CYLD: variants seen among roughly 807,000 people sequenced by gnomAD.
CYLD encodes the protein CYLD lysine 63 deubiquitinase, also known as ubiquitin carboxyl-terminal hydrolase CYLD.
CYLD carries 26 observed loss-of-function variants against 104.5 expected under a neutral mutation model. The observed-to-expected ratio is 0.25, with a 90% CI of 0.18 to 0.35. The LOEUF (loss-of-function observed/expected upper bound fraction) is 0.35. CYLD is among the 10% of genes least tolerant of loss of function. The pLI is 1.00. For synonymous variants in CYLD, 385 were observed against 399.9 expected (o/e 0.96, Z 0.45); for missense variants, 703 against 1,136.1 (o/e 0.62, Z 5.48).
chr16:50,766,375 C>G (rs1038381664), intron 5 of CYLD, among the ~76,000 whole-genome samples: 14 of 152,174 alleles, frequency 9.2e-5, no homozygotes, highest in African/African-American at 3.4e-4. Flanking sequence ...GGATTCCTTT[C>G]AAAACATTAC....
chr16:50,754,314 T>G lies in CYLD; in HGVS notation c.808-5T>G. On this transcript the variant is annotated splice_region_variant and splice_polypyrimidine_tract_variant and intron_variant, in intron 4 of 18. Coordinates refer to ENST00000427738, the MANE Select transcript of CYLD (RefSeq NM_001378743.1). ...GGATTTTAATGTTTATTATTTAATT[T>G]CTAGGATAACCCTATTGGCAACTGG... is the stretch of plus-strand genomic sequence containing the variant. The G allele has an allele frequency of 6.3e-7, 1 of 1,587,716 alleles. No individual in the cohort carries two copies. The highest frequency in any genetic ancestry group is 1.3e-5 in the African/African-American group (1 of 74,486).
intron 5 of CYLD, among the ~76,000 whole-genome samples, chr16:50,767,551 C>T (rs909231662): frequency 6.6e-6 from 1 of 151,192 alleles, no homozygotes; most frequent in East Asian, 1.9e-4. Context: ...TGAAAGTAAC[C>T]GTTCTCTTTA....
In CYLD at chr16:50,794,620, T is replaced by G. The variant is rs546856706; in HGVS notation, c.2686+192T>G. ...CTGAACTAAGGAATAATATGCTGTGTTTTTTTTTTTCCTTTTTTGAGATGG... is the reference window on the plus strand; with the variant it reads ...CTGAACTAAGGAATAATATGCTGTGGTTTTTTTTTTCCTTTTTTGAGATGG... On this transcript the variant is annotated intron_variant, in intron 18 of 18. Transcript: ENST00000427738. The surrounding 1 kb of genome is among the most constrained non-coding windows in gnomAD (Gnocchi z 4.1). 1,078 of 430,864 alleles carry G rather than the reference T, an allele frequency of 2.5e-3. No homozygotes were observed. Among genetic ancestry groups the G allele is most frequent in the Non-Finnish European group, 3.7e-3 (965 of 258,332 alleles). 26.7% of individuals were successfully genotyped at this position (430,864 alleles called of 1,614,324 possible). A position where few individuals can be genotyped will look rare whatever the true frequency, so the allele number is the denominator to read the frequency against.
At chr16:50,788,100 T>C (rs1971031154) in intron 14 of CYLD, among the ~76,000 whole-genome samples, 1 of 152,226 alleles carries the variant, frequency 6.6e-6, no homozygotes, top group Admixed American at 6.5e-5. Flanking sequence ...ATAAGTATTA[T>C]TGCAAATCAT....
chr16:50,745,362 GTTTTTT>G (rs535675323), intron 2 of CYLD, among the ~76,000 whole-genome samples: 1 of 78,754 alleles, frequency 1.3e-5, no homozygotes. Flanking sequence ...TTTCCTCTTT[GTTTTTT>G]TTTTTTTTTT....
rs1276787099 is a variant in CYLD, at chr16:50,798,880, A to G, written c.*2372A>G. The G allele has an allele frequency of 4.3e-6, 1 of 233,240 alleles. No individual in the cohort carries two copies. Among genetic ancestry groups the G allele is most frequent in the Non-Finnish European group, 8.5e-6 (1 of 118,060 alleles). The allele number at this position is 233,240 out of a possible 1,614,324, so 14.4% of individuals were successfully genotyped here. On this transcript the variant is annotated 3_prime_UTR_variant, in exon 19 of 19. Transcript: ENST00000427738. Reference sequence around the variant, plus strand: ...TTGGGGAGGGAGTGCTCATTAAGGGATGCCAGGGCCAGCTCTGGTGGTTCC... The same window carrying G: ...TTGGGGAGGGAGTGCTCATTAAGGGGTGCCAGGGCCAGCTCTGGTGGTTCC...
chr16:50,794,653 C>T lies in CYLD; in HGVS notation c.2686+225C>T. 1 of 531,190 alleles carries T rather than the reference C, an allele frequency of 1.9e-6. No individual in the cohort carries two copies. Among genetic ancestry groups the T allele is most frequent in the Admixed American group, 3.0e-5 (1 of 33,360 alleles). The allele number at this position is 531,190 out of a possible 1,614,324, so 32.9% of individuals were successfully genotyped here. A position where few individuals can be genotyped will look rare whatever the true frequency, so the allele number is the denominator to read the frequency against. ...TTTCCTTTTTTGAGATGGAGTCTCA[C>T]TCTGTCACCCAGGCTGGAGTGCAGC... On this transcript the variant is annotated intron_variant, in intron 18 of 18. Transcript: ENST00000427738. The surrounding 1 kb of genome is among the most constrained non-coding windows in gnomAD (Gnocchi z 4.1).
At chr16:50,750,719 G>C (rs1355224438) in intron 3 of CYLD, among the ~76,000 whole-genome samples, 1 of 152,084 alleles carries the variant, frequency 6.6e-6, no homozygotes, top group Non-Finnish European at 1.5e-5. Flanking sequence ...AACATTGCCT[G>C]TATTAAACAT....
In CYLD at chr16:50,794,467, T is replaced by A. The variant is rs529974664; in HGVS notation, c.2686+39T>A. ...CTTTCTTCTGCATGTGGCACAGGGTTCTGGTTTGTAGTGGGACAGTTTGTA... is the reference window on the plus strand; with the variant it reads ...CTTTCTTCTGCATGTGGCACAGGGTACTGGTTTGTAGTGGGACAGTTTGTA... On this transcript the variant is annotated intron_variant, in intron 18 of 18. Transcript: ENST00000427738. This position sits in a 1 kb window ranked among gnomAD's most constrained non-coding sequence, Gnocchi z 4.1. The A allele has an allele frequency of 3.8e-6, 6 of 1,597,044 alleles. No homozygotes were observed. The African/African-American group carries it at 6.7e-5, about 18-fold the overall frequency.
intron 5 of CYLD, among the ~76,000 whole-genome samples, chr16:50,773,018 T>C (rs571516781): frequency 1.4e-4 from 22 of 152,364 alleles, no homozygotes; most frequent in South Asian, 4.1e-4. Context: ...ATAGTTGCTA[T>C]GTAGGATATT....
intron 4 of CYLD, among the ~76,000 whole-genome samples, chr16:50,753,660 G>T (rs1966800711): frequency 6.6e-6 from 1 of 152,128 alleles, no homozygotes; most frequent in Admixed American, 6.6e-5. Context: ...ATTTTAGCAT[G>T]CCATGCACAT....
intron 5 of CYLD, among the ~76,000 whole-genome samples, chr16:50,763,434 G>A (rs1404018623): frequency 6.6e-6 from 1 of 152,134 alleles, no homozygotes; most frequent in Non-Finnish European, 1.5e-5. Context: ...TTAACCATTT[G>A]TGGAACTGCC....
rs112993837 is a variant in CYLD, at chr16:50,794,681, C to T, written c.2686+253C>T. The T allele has an allele frequency of 7.1e-5, 34 of 481,280 alleles. 1 individual carries two copies. The highest frequency in any genetic ancestry group is 3.5e-4 in the African/African-American group (18 of 50,842). The allele number at this position is 481,280 out of a possible 1,614,324, so 29.8% of individuals were successfully genotyped here. A position where few individuals can be genotyped will look rare whatever the true frequency, so the allele number is the denominator to read the frequency against. On this transcript the variant is annotated intron_variant, in intron 18 of 18. Coordinates refer to ENST00000427738, the MANE Select transcript of CYLD (RefSeq NM_001378743.1). The surrounding 1 kb of genome is among the most constrained non-coding windows in gnomAD (Gnocchi z 4.1). Reference sequence around the variant, plus strand: ...TGTCACCCAGGCTGGAGTGCAGCAGCGTGATCTTGGCTCATTGCAACCTCC... The same window carrying T: ...TGTCACCCAGGCTGGAGTGCAGCAGTGTGATCTTGGCTCATTGCAACCTCC...
In CYLD at chr16:50,751,829, A is replaced by C; in HGVS notation, c.730A>C (p.Ile244Leu). The C allele has an allele frequency of 6.2e-7, 1 of 1,613,624 alleles. No individual in the cohort carries two copies. Among genetic ancestry groups the C allele is most frequent in the Non-Finnish European group, 8.5e-7 (1 of 1,179,742 alleles). Residue 244 changes from isoleucine (I) to leucine (L), a missense_variant, in exon 4 of 19, where the codon ATA becomes CTA. Ile to Leu is a conservative substitution (Grantham distance 5). Transcript: ENST00000427738. ...AGTTTCTTTGAAGGTTGGAGAAACA[A>C]TAGAATCTGGAACAGTTATATTCTG... ...SRVSLKVGET[I>L]ESGTVIFCDV...
chr16:50,745,464 C>A (rs1338521596), intron 2 of CYLD, among the ~76,000 whole-genome samples: 6 of 146,252 alleles, frequency 4.1e-5, no homozygotes, highest in Non-Finnish European at 5.9e-5. Context: ...ACCTCCTGGG[C>A]TCTAGCGATC....
In CYLD at chr16:50,784,435, G is replaced by A. The variant is rs587778223; in HGVS notation, c.1933G>A (p.Val645Ile). 4.3e-5 allele frequency: 69 copies of A among 1,612,970 alleles called. No individual in the cohort carries two copies. Among genetic ancestry groups the A allele is most frequent in the Admixed American group, 8.3e-5 (5 of 59,978 alleles). ...CCAAGAGCTACTGAGGACAGAAATTGTTAATCCTCTGAGAATGTAAGTAGA... is the reference window on the plus strand; with the variant it reads ...CCAAGAGCTACTGAGGACAGAAATTATTAATCCTCTGAGAATGTAAGTAGA... ...ETQELLRTEIVNPLRIYGYVC... is the reference protein window; with the variant it reads ...ETQELLRTEIINPLRIYGYVC... Residue 645 changes from valine to isoleucine, a missense_variant, in exon 12 of 19, where the codon GTT becomes ATT. Val to Ile is a conservative substitution (Grantham distance 29). Transcript: ENST00000427738.
chr16:50,754,572 C>T (rs1046409175), intron 5 of CYLD, 148 bp downstream of exon 5: 22 of 641,496 alleles, frequency 3.4e-5, no homozygotes, highest in Admixed American at 1.7e-4. Flanking sequence ...TTGGTGCACC[C>T]GTCACCCGAG....
intron 17 of CYLD, among the ~76,000 whole-genome samples, chr16:50,793,896 C>T (rs991112801): frequency 9.3e-5 from 14 of 150,330 alleles, no homozygotes; most frequent in African/African-American, 3.4e-4. Context: ...TCACTTGACA[C>T]ATTGAGTTTC....
rs1408529561 is a variant in CYLD, at chr16:50,776,220, A to G, written c.964A>G (p.Met322Val). 18 of 1,613,540 alleles carry G rather than the reference A, an allele frequency of 1.1e-5. No individual in the cohort carries two copies. The East Asian group carries it at 3.3e-4, about 30-fold the overall frequency. ...AAGGAGGCCTCCCAAACTTGCCTTT[A>G]TGTCAAGAGGTGTTGGGGACAAAGG... ...QERRPPKLAFMSRGVGDKGSS... is the reference protein window; with the variant it reads ...QERRPPKLAFVSRGVGDKGSS... Residue 322 changes from methionine (M) to valine (V), a missense_variant, in exon 7 of 19, where the codon ATG becomes GTG. Met to Val is a conservative substitution (Grantham distance 21). This residue lies in a region of CYLD where 183 missense variants were observed against 212.1 expected (regional missense o/e 0.86). Coordinates refer to ENST00000427738, the MANE Select transcript of CYLD (RefSeq NM_001378743.1).
Sources: gnomAD v4.1 joint callset for allele counts (sites outside exome capture counted in the v4.1 genomes callset) on GRCh38, gnomAD v4.1.1 for gene constraint, gnomAD v4.1.1 regional missense constraint, Gnocchi (gnomAD v3.1) non-coding constraint, MANE v1.5 for transcripts, NCBI Gene and HGNC (gene_info 2026-07-23, HGNC 2026-07-21) for gene names.